Variants in SLC25A21 observed in about 807,000 individuals in gnomAD.
SLC25A21 encodes mitochondrial 2-oxodicarboxylate carrier.
In SLC25A21, 47 loss-of-function variants were observed where a neutral mutation model predicts 43.8. The observed-to-expected ratio is 1.07, with a 90% CI of 0.85 to 1.37. SLC25A21 has a LOEUF of 1.37. SLC25A21 is among the 40% of genes most tolerant of loss of function. The pLI is 0.00. For missense variants in SLC25A21, 352 were observed against 350.2 expected (o/e 1.00, Z -0.04); for synonymous variants, 131 against 121.3 (o/e 1.08, Z -0.52).
At chr14:36,911,623 T>G (rs1433540606) in intron 1 of SLC25A21, among the ~76,000 whole-genome samples, 1 of 152,134 alleles carries the variant, frequency 6.6e-6, no homozygotes, top group Non-Finnish European at 1.5e-5. Context: ...GAGGCCTCAT[T>G]GGGGAGAACT....
chr14:37,125,701 T>C (rs550204098), intron 1 of SLC25A21, among the ~76,000 whole-genome samples: 3 of 152,322 alleles, frequency 2.0e-5, no homozygotes, highest in South Asian at 4.1e-4. Flanking sequence ...AAAAGCATTA[T>C]GATTAGGTTA....
At chr14:37,172,217 G>C in intron 1 of SLC25A21, 64 bp downstream of exon 1, 1 of 1,488,642 alleles carries the variant, frequency 6.7e-7, no homozygotes, top group South Asian at 1.3e-5. Context: ...TCTGGGCAAC[G>C]GTTTCAGGAC....
chr14:36,701,894 T>C (rs1883294280), intron 7 of SLC25A21, among the ~76,000 whole-genome samples: 1 of 152,046 alleles, frequency 6.6e-6, no homozygotes, highest in Non-Finnish European at 1.5e-5. Flanking sequence ...AACAAAACTC[T>C]AGAGATTGAG....
intron 1 of SLC25A21, among the ~76,000 whole-genome samples, chr14:37,139,456 T>C (rs1389721069): frequency 6.6e-6 from 1 of 152,160 alleles, no homozygotes; most frequent in Non-Finnish European, 1.5e-5. Context: ...ATTTCAACTT[T>C]TCAACATTAT....
chr14:36,912,758 G>C (rs144367953), intron 1 of SLC25A21, among the ~76,000 whole-genome samples: 3 of 152,228 alleles, frequency 2.0e-5, no homozygotes, highest in Non-Finnish European at 1.5e-5. Context: ...TAAATTCTTA[G>C]CTCAATTCCA....
At position 36,933,852 on chromosome 14, in the gene SLC25A21, T is replaced by C. The variant is rs565872813; in HGVS notation, c.71-58848A>G. Among the ~76,000 whole-genome samples, 4 of 152,318 alleles carry C rather than the reference T, an allele frequency of 2.6e-5. No individual in the cohort carries two copies. The South Asian group carries it at 8.3e-4, about 32-fold the overall frequency. On this transcript the variant is annotated intron_variant, in intron 1 of 9. Coordinates refer to ENST00000331299, the MANE Select transcript of SLC25A21 (RefSeq NM_030631.4). ...AGAGCAGAGTAGAGTTTCCTTTCTC[T>C]TTTCACCTTACTCACAACTATTCTT... is the stretch of plus-strand genomic sequence containing the variant.
chr14:36,778,426 C>T (rs532560126), intron 3 of SLC25A21, among the ~76,000 whole-genome samples: 1 of 152,336 alleles, frequency 6.6e-6, no homozygotes, highest in African/African-American at 2.4e-5. Context: ...ACAGCAACTA[C>T]TCAGTGCATA....
intron 3 of SLC25A21, 89 bp downstream of exon 3, chr14:36,813,829 C>G: frequency 2.1e-6 from 2 of 946,850 alleles, no homozygotes; most frequent in Non-Finnish European, 3.2e-6. Flanking sequence ...TATTTTGCCC[C>G]TAGTAAGACT....
rs1203296460 is a variant in SLC25A21 at position 37,002,194 on chromosome 14, C to CCTTT, written c.71-127191_71-127190insAAAG. Among the ~76,000 whole-genome samples, 3 of 152,136 alleles carry CCTTT rather than the reference C, an allele frequency of 2.0e-5. No homozygotes were observed. In the East Asian group the frequency reaches 5.8e-4, roughly 29 times the overall value. ...AAAAGCACCATAAGGAAAGTACAGG[C>CCTTT]CATGATGTGTTTTCTGCAGATAATT... On this transcript the variant is annotated intron_variant, in intron 1 of 9. Coordinates refer to ENST00000331299, the MANE Select transcript of SLC25A21 (RefSeq NM_030631.4).
intron 3 of SLC25A21, among the ~76,000 whole-genome samples, chr14:36,776,271 T>G (rs1457335777): frequency 7.3e-6 from 1 of 137,098 alleles, no homozygotes; most frequent in African/African-American, 2.9e-5. Context: ...GAGTCTCGCT[T>G]TGTGGCCCAG....
chr14:37,114,523 G>A (rs1184660745), intron 1 of SLC25A21, among the ~76,000 whole-genome samples: 1 of 152,174 alleles, frequency 6.6e-6, no homozygotes. Context: ...ATTTTCTTTA[G>A]TAGTCCTCTG....
chr14:36,876,925 A>ATAGATAGATAGG (rs1428847101), intron 1 of SLC25A21, among the ~76,000 whole-genome samples: 1 of 139,040 alleles, frequency 7.2e-6, no homozygotes, highest in African/African-American at 2.6e-5. Flanking sequence ...AGATAGATAG[A>ATAGATAGATAGG]TAGATAGATA....
chr14:36,919,374 A>G (rs1199464788), intron 1 of SLC25A21, among the ~76,000 whole-genome samples: 1 of 152,032 alleles, frequency 6.6e-6, no homozygotes, highest in East Asian at 1.9e-4. Flanking sequence ...TTTAGGAGCA[A>G]TGAGTGAATT....
At chr14:36,873,381 T>C (rs1890429089) in intron 2 of SLC25A21, among the ~76,000 whole-genome samples, 1 of 152,092 alleles carries the variant, frequency 6.6e-6, no homozygotes, top group Non-Finnish European at 1.5e-5. Context: ...CTGCAACCTC[T>C]ACCTCCCGGG....
In SLC25A21 at chr14:36,963,941, G is replaced by A. The variant is rs917727629; in HGVS notation, c.71-88937C>T. 2.6e-5 allele frequency among the ~76,000 whole-genome samples: 4 copies of A among 151,978 alleles called. No individual in the cohort carries two copies. In the South Asian group the frequency reaches 8.3e-4, roughly 32 times the overall value. On this transcript the variant is annotated intron_variant, in intron 1 of 9. Transcript: ENST00000331299. ...CGATATTCTTCTCCATCTCTCCCTT[G>A]AAACCTTTTTTTTTGAAATTGTATG... is the stretch of plus-strand genomic sequence containing the variant.
At chr14:36,977,725 T>A (rs1384667693) in intron 1 of SLC25A21, among the ~76,000 whole-genome samples, 1 of 152,134 alleles carries the variant, frequency 6.6e-6, no homozygotes, top group African/African-American at 2.4e-5. Flanking sequence ...ATATCACACA[T>A]TACTGTCAAA....
At chr14:36,736,656 A>G (rs1885053991) in intron 3 of SLC25A21, among the ~76,000 whole-genome samples, 1 of 152,220 alleles carries the variant, frequency 6.6e-6, no homozygotes, top group African/African-American at 2.4e-5. Context: ...CACTTAAATA[A>G]GTAAAGCTTT....
chr14:36,997,434 A>T (rs1232235714), intron 1 of SLC25A21, among the ~76,000 whole-genome samples: 1 of 152,214 alleles, frequency 6.6e-6, no homozygotes, highest in Non-Finnish European at 1.5e-5. Context: ...TGAATGTGGC[A>T]ATAAAATAAC....
chr14:36,985,515 C>T (rs1594738365), intron 1 of SLC25A21, among the ~76,000 whole-genome samples: 1 of 152,104 alleles, frequency 6.6e-6, no homozygotes, highest in African/African-American at 2.4e-5. Context: ...CTTTCTTTAT[C>T]TTATTTTTTT....
Sources: allele counts gnomAD v4.1 joint callset (sites outside exome capture counted in the v4.1 genomes callset), GRCh38; gene constraint gnomAD v4.1.1; transcripts MANE v1.5; gene names NCBI Gene and HGNC (gene_info 2026-07-23, HGNC 2026-07-21).